PRKG1: variants seen among roughly 807,000 people sequenced by gnomAD.
PRKG1 encodes cGMP-dependent protein kinase 1.
Under a neutral mutation model 88.1 loss-of-function variants are expected in PRKG1, and 35 were observed. The ratio of observed to expected loss-of-function variants is 0.40; its 90% CI spans 0.30 to 0.53. PRKG1 has a LOEUF of 0.53. PRKG1 is among the 20% of genes least tolerant of loss of function. The pLI, the probability that PRKG1 is intolerant of heterozygous loss-of-function variation, is 0.59. For missense variants in PRKG1, 540 were observed against 839.8 expected (o/e 0.64, Z 4.41); for synonymous variants, 303 against 292.5 (o/e 1.04, Z -0.37).
At chr10:51,713,580 G>T (rs1375591934) in intron 3 of PRKG1, among the ~76,000 whole-genome samples, 1 of 152,080 alleles carries the variant, frequency 6.6e-6, no homozygotes, top group Admixed American at 6.5e-5. Context: ...TCAAAAGAAA[G>T]AAATATATGT....
chr10:51,062,364 G>A (rs1377222348), intron 1 of PRKG1, among the ~76,000 whole-genome samples: 1 of 152,104 alleles, frequency 6.6e-6, no homozygotes, highest in Non-Finnish European at 1.5e-5. Context: ...TTTGTGATTG[G>A]TGAATACCTC....
At chr10:52,214,639 T>A (rs1840064759) in intron 9 of PRKG1, among the ~76,000 whole-genome samples, 1 of 152,178 alleles carries the variant, frequency 6.6e-6, no homozygotes, top group South Asian at 2.1e-4. Flanking sequence ...CATTTAAGGA[T>A]TCTTTAATAG....
chr10:52,072,095 G>A (rs1846510498), intron 7 of PRKG1, among the ~76,000 whole-genome samples: 4 of 134,482 alleles, frequency 3.0e-5, no homozygotes, highest in Admixed American at 2.4e-4. Flanking sequence ...GCTCCAGCTT[G>A]TTTCTCCAGC....
chr10:52,140,968 C>T (rs1394090521), intron 8 of PRKG1, among the ~76,000 whole-genome samples: 3 of 152,148 alleles, frequency 2.0e-5, no homozygotes, highest in African/African-American at 7.2e-5. Flanking sequence ...ATTTCACAGC[C>T]TCAGCCTTTC....
rs7083533 is a variant in PRKG1, at chr10:51,549,339, T to C, written c.592+81503T>C. ...CAGGATTTCACCATGTTAGCCGGGA[T>C]GGTCTCGATCTCCTGACCTTGGGGA... is the stretch of plus-strand genomic sequence containing the variant. On this transcript the variant is annotated intron_variant, in intron 3 of 17. Coordinates refer to ENST00000373980, the MANE Select transcript of PRKG1 (RefSeq NM_006258.4). Among the ~76,000 whole-genome samples the C allele has an allele frequency of 5.9e-3, 900 of 151,738 alleles. 9 individuals are homozygous for C. Among genetic ancestry groups the C allele is most frequent in the African/African-American group, 0.02 (825 of 41,426 alleles).
At chr10:51,651,985 T>G (rs1019369775) in intron 3 of PRKG1, among the ~76,000 whole-genome samples, 2 of 152,206 alleles carry the variant, frequency 1.3e-5, no homozygotes, top group Admixed American at 1.3e-4. Flanking sequence ...AATACTTAAA[T>G]TGAATTACAT....
chr10:51,359,798 C>A lies in PRKG1; in HGVS notation c.479-107925C>A, dbSNP rs79827847. 1.8e-4 allele frequency among the ~76,000 whole-genome samples: 27 copies of A among 151,860 alleles called. No individual in the cohort carries two copies. The East Asian group carries it at 5.1e-3, about 28-fold the overall frequency. On this transcript the variant is annotated intron_variant, in intron 2 of 17. Coordinates refer to ENST00000373980, the MANE Select transcript of PRKG1 (RefSeq NM_006258.4). ...GGGGAGGAATGAATACACCAAAAGA[C>A]CAGATGGGAAAAGAACTCTACTTTT...
In PRKG1 at chr10:51,461,408, A is replaced by C. The variant is rs1839740636; in HGVS notation, c.479-6315A>C. On this transcript the variant is annotated intron_variant, in intron 2 of 17. Transcript: ENST00000373980. ...TGATGGTCTTAGAAACTATGGATAC[A>C]AAAAGGTTTAGAAAAAAAACCTAAT... Among the ~76,000 whole-genome samples, 10 of 152,336 alleles carry C rather than the reference A, an allele frequency of 6.6e-5. No homozygotes were observed. In the South Asian group the frequency reaches 2.1e-3, roughly 32 times the overall value.
intron 5 of PRKG1, among the ~76,000 whole-genome samples, chr10:51,923,417 A>G (rs1415309116): frequency 6.6e-6 from 1 of 151,296 alleles, no homozygotes; most frequent in African/African-American, 2.4e-5. Flanking sequence ...AATAATATCT[A>G]TCATATTAAT....
At chr10:52,002,699 GT>G (rs1275737321) in intron 5 of PRKG1, among the ~76,000 whole-genome samples, 1 of 152,120 alleles carries the variant, frequency 6.6e-6, no homozygotes, top group Non-Finnish European at 1.5e-5. Context: ...TAGGGAAGAT[GT>G]AAAAGATGAG....
Position 51,285,574 on chromosome 10 carries a change from AG to A in PRKG1, c.478+132246del, listed in dbSNP as rs550447374. On this transcript the variant is annotated intron_variant, in intron 2 of 17. Coordinates refer to ENST00000373980, the MANE Select transcript of PRKG1 (RefSeq NM_006258.4). Reference sequence around the variant, plus strand: ...CTTTAGACAAGAGAGGGTAATGTGTAGGTTGTAGGAGACGACTTGATTCTGT... The same window carrying A: ...CTTTAGACAAGAGAGGGTAATGTGTAGTTGTAGGAGACGACTTGATTCTGT... Among the ~76,000 whole-genome samples, 31 of 152,320 alleles carry A rather than the reference AG, an allele frequency of 2.0e-4. No individual in the cohort carries two copies. In the South Asian group the frequency reaches 6.4e-3, roughly 32 times the overall value.
chr10:51,013,064 C>T (rs1195805071), intron 1 of PRKG1, among the ~76,000 whole-genome samples: 4 of 152,140 alleles, frequency 2.6e-5, no homozygotes, highest in African/African-American at 9.7e-5. Flanking sequence ...CAGTGAGTTT[C>T]CTGAAGTATA....
chr10:51,691,518 G>T (rs951211205), intron 3 of PRKG1, among the ~76,000 whole-genome samples: 1 of 151,994 alleles, frequency 6.6e-6, no homozygotes, highest in Admixed American at 6.6e-5. Context: ...GTTTCACCAT[G>T]CTGCTCAGGC....
intron 12 of PRKG1, among the ~76,000 whole-genome samples, chr10:52,276,143 G>A (rs973922522): frequency 6.6e-6 from 1 of 152,120 alleles, no homozygotes. Context: ...GTGACAGTTT[G>A]ACTTCCCCTT....
At chr10:51,397,379 A>G (rs1402300568) in intron 2 of PRKG1, among the ~76,000 whole-genome samples, 8 of 152,126 alleles carry the variant, frequency 5.3e-5, no homozygotes, top group Non-Finnish European at 1.5e-5. Context: ...TTTATAGCCT[A>G]TGACCTATAA....
chr10:51,703,041 A>G (rs1447708958), intron 3 of PRKG1, among the ~76,000 whole-genome samples: 1 of 152,146 alleles, frequency 6.6e-6, no homozygotes, highest in African/African-American at 2.4e-5. Context: ...TTGGGCCTTC[A>G]TTTATAAGTC....
chr10:51,085,288 A>G (rs1335774876), intron 1 of PRKG1, among the ~76,000 whole-genome samples: 2 of 152,234 alleles, frequency 1.3e-5, no homozygotes, highest in Non-Finnish European at 2.9e-5. Flanking sequence ...GTAAGAGAAG[A>G]TAGCCTTAGA....
intron 3 of PRKG1, among the ~76,000 whole-genome samples, chr10:51,607,256 GTAGT>G (rs1229363734): frequency 6.6e-6 from 1 of 152,224 alleles, no homozygotes; most frequent in Non-Finnish European, 1.5e-5. Flanking sequence ...GGGCAGAGAG[GTAGT>G]TAATTTTTTA....
intron 3 of PRKG1, among the ~76,000 whole-genome samples, chr10:51,555,724 CAGAA>C (rs1207017209): frequency 6.6e-6 from 1 of 151,920 alleles, no homozygotes; most frequent in East Asian, 1.9e-4. Flanking sequence ...GTTTAGTAAA[CAGAA>C]AGCCAGAAAA....
Sources: allele counts gnomAD v4.1 joint callset (sites outside exome capture counted in the v4.1 genomes callset), GRCh38; gene constraint gnomAD v4.1.1; transcripts MANE v1.5; gene names NCBI Gene and HGNC (gene_info 2026-07-23, HGNC 2026-07-21).